GATM: variants seen among roughly 807,000 people sequenced by gnomAD.
GATM encodes the protein glycine amidinotransferase, also known as glycine amidinotransferase, mitochondrial.
A neutral mutation model predicts 54.2 loss-of-function variants in GATM; 23 were observed. That is an observed-to-expected ratio of 0.42 (90% confidence interval 0.31 to 0.60). The LOEUF (loss-of-function observed/expected upper bound fraction) is 0.60. Among genes scored for constraint, GATM ranks in the 20% least tolerant of loss-of-function variants. The pLI is 0.14. For synonymous variants in GATM, 168 were observed against 183.1 expected (o/e 0.92, Z 0.67); for missense variants, 401 against 544.9 (o/e 0.74, Z 2.63).
intron 2 of GATM, among the ~76,000 whole-genome samples, 191 bp downstream of exon 2, chr15:45,376,409 CA>C (rs1889635395): frequency 2.7e-5 from 1 of 36,494 alleles, no homozygotes; most frequent in Admixed American, 4.1e-4. Context: ...GGAAGAGCTT[CA>C]GGAAGCTCTT....
upstream of GATM, among the ~76,000 whole-genome samples, chr15:45,383,032 T>C (rs1057344519): frequency 6.6e-6 from 1 of 152,188 alleles, no homozygotes; most frequent in Non-Finnish European, 1.5e-5. Flanking sequence ...TATATGGCTG[T>C]TGGCTCCTTA....
chr15:45,378,800 T>C (rs1259871175), upstream of GATM: 2 of 281,426 alleles, frequency 7.1e-6, no homozygotes, highest in African/African-American at 4.5e-5. Context: ...CGTTGGAGTC[T>C]CGCGCAACTG....
At chr15:45,392,215 G>A (rs1181855393) in intron 3 of GATM, among the ~76,000 whole-genome samples, 1 of 152,218 alleles carries the variant, frequency 6.6e-6, no homozygotes, top group African/African-American at 2.4e-5. Context: ...GTCAGGACAG[G>A]AAGGCAAACT....
chr15:45,401,081 TC>T, intron 1 of GATM, among the ~76,000 whole-genome samples: 1 of 152,174 alleles, frequency 6.6e-6, no homozygotes, highest in Non-Finnish European at 1.5e-5. Context: ...GGGTGACTTA[TC>T]CATTTCAAGA....
At chr15:45,400,159 T>A (rs1288211346) in intron 1 of GATM, among the ~76,000 whole-genome samples, 4 of 152,216 alleles carry the variant, frequency 2.6e-5, no homozygotes. Flanking sequence ...GAAACAGATG[T>A]TGCAGTGAGC....
At chr15:45,375,918 G>A (rs186963316) in intron 2 of GATM, among the ~76,000 whole-genome samples, 125 of 152,296 alleles carry the variant, frequency 8.2e-4, no homozygotes, top group African/African-American at 2.6e-3. Context: ...GGAGTGACCA[G>A]TTAGGAGTTA....
chr15:45,378,611 A>G, upstream of GATM: 1 of 523,806 alleles, frequency 1.9e-6, no homozygotes, highest in Admixed American at 4.1e-5. Context: ...CCGCGGCCCC[A>G]TTGGCTGCCG....
intron 4 of GATM, among the ~76,000 whole-genome samples, chr15:45,367,458 G>A (rs954216656): frequency 4.6e-5 from 7 of 152,106 alleles, no homozygotes; most frequent in African/African-American, 1.7e-4. Flanking sequence ...ATTTGGTCCC[G>A]AGCTTAACTC....
exon 1 of GATM, chr15:45,402,133 G>A (rs1890026875): frequency 4.5e-6 from 2 of 443,530 alleles, no homozygotes; most frequent in African/African-American, 2.1e-5. Flanking sequence ...CATGCTTAAT[G>A]ACCTAGTGAA....
upstream of GATM, among the ~76,000 whole-genome samples, chr15:45,381,846 C>T (rs1331854986): frequency 1.3e-5 from 2 of 152,110 alleles, no homozygotes; most frequent in African/African-American, 2.4e-5. Context: ...GTAAATAAAG[C>T]TGCAATTTTT....
chr15:45,366,392 A>G lies in GATM; in HGVS notation c.792T>C (p.Asp264=). ...DAADFIRAGR[D]IFAQRSQVTN... is the part of the protein sequence containing the mutation. ...TCACCTGGCTTCTCTGTGCAAAAAT[A>G]TCTCTTCCAGCTCGAATGAAGTCAG... The change falls in exon 5 of 9, where the codon GAT becomes GAC. Residue 264 remains aspartate, a synonymous_variant. Transcript: ENST00000396659. The G allele has an allele frequency of 6.2e-7, 1 of 1,614,200 alleles. No individual in the cohort carries two copies. Among genetic ancestry groups the G allele is most frequent in the African/African-American group, 1.3e-5 (1 of 75,056 alleles).
intron 4 of GATM, among the ~76,000 whole-genome samples, chr15:45,367,098 T>C (rs1889462179): frequency 6.6e-6 from 1 of 152,114 alleles, no homozygotes; most frequent in Non-Finnish European, 1.5e-5. Context: ...CCCAGCACTT[T>C]GGGAGGCCAA....
chr15:45,386,494 T>C (rs996230557), intron 3 of GATM, among the ~76,000 whole-genome samples: 5 of 152,224 alleles, frequency 3.3e-5, no homozygotes, highest in Non-Finnish European at 7.3e-5. Flanking sequence ...CTGTAGATAC[T>C]GCTCTGGGAG....
Position 45,361,562 on chromosome 15 carries a change from AC to A in GATM, c.*546del, listed in dbSNP as rs1366421646. On this transcript the variant is annotated 3_prime_UTR_variant, in exon 9 of 9. Coordinates refer to ENST00000396659, the MANE Select transcript of GATM (RefSeq NM_001482.3). ...TTTAAAAAACAAAAAATTAAAAATT[AC>A]CCAAATTCCTTATTAGAAAAAGAGA... 1.1e-5 allele frequency: 2 copies of A among 173,922 alleles called. No homozygotes were observed. The highest frequency in any genetic ancestry group is 4.7e-5 in the African/African-American group (2 of 42,494). 10.8% of individuals were successfully genotyped at this position (173,922 alleles called of 1,614,324 possible).
At position 45,376,706 on chromosome 15, in the gene GATM, G is replaced by C. The variant is rs1889642649; in HGVS notation, c.183C>G (p.Pro61=). The C allele has an allele frequency of 6.2e-7, 1 of 1,614,184 alleles. No individual in the cohort carries two copies. The highest frequency in any genetic ancestry group is 8.5e-7 in the Non-Finnish European group (1 of 1,180,026). ...TGTAAGAAGAGACAGGGCAGTCCTT[G>C]GGCAGAGGCTCAGTGGCTTTGTCGT... The part of the protein sequence containing the change: ...AADDKATEPL[P]KDCPVSSYNE... The change falls in exon 2 of 9, where the codon CCC becomes CCG. Residue 61 remains proline, a synonymous_variant. Transcript: ENST00000396659.
chr15:45,370,519 C>T (rs1889524973), intron 2 of GATM, among the ~76,000 whole-genome samples: 1 of 152,066 alleles, frequency 6.6e-6, no homozygotes, highest in South Asian at 2.1e-4. Context: ...CTCATACCAA[C>T]CACACCTCTC....
intron 3 of GATM, among the ~76,000 whole-genome samples, chr15:45,385,330 C>T (rs988761451): frequency 2.0e-5 from 3 of 152,294 alleles, no homozygotes; most frequent in East Asian, 3.9e-4. Flanking sequence ...TCTCTATTTA[C>T]ACTTTTTGTC....
rs1264432777 is a variant in GATM, at chr15:45,368,605, C to CTT, written c.485-346_485-345insAA. The stretch of plus-strand genomic sequence containing the variant: ...CCAGCCTGGGCGACAGAGTGAGACT[C>CTT]TGTCTCAAACAAACAAACAAAAAAT... On this transcript the variant is annotated intron_variant, in intron 3 of 8. Coordinates refer to ENST00000396659, the MANE Select transcript of GATM (RefSeq NM_001482.3). The surrounding 1 kb of genome is among the most constrained non-coding windows in gnomAD (Gnocchi z 5.1). Among the ~76,000 whole-genome samples the CTT allele has an allele frequency of 6.6e-6, 1 of 151,934 alleles. No individual in the cohort carries two copies. The highest frequency in any genetic ancestry group is 2.4e-5 in the African/African-American group (1 of 41,336).
chr15:45,390,202 C>T (rs528533798), intron 3 of GATM, among the ~76,000 whole-genome samples: 31 of 152,290 alleles, frequency 2.0e-4, no homozygotes, highest in African/African-American at 6.7e-4. Context: ...GCTGCCAGTC[C>T]ATAGGTCACA....
Sources: allele counts gnomAD v4.1 joint callset (sites outside exome capture counted in the v4.1 genomes callset), GRCh38; gene constraint gnomAD v4.1.1; non-coding constraint Gnocchi (gnomAD v3.1); transcripts MANE v1.5; gene names NCBI Gene and HGNC (gene_info 2026-07-23, HGNC 2026-07-21).